Variants in GKAP1 observed in about 807,000 individuals in gnomAD.
GKAP1 encodes the protein G kinase anchoring protein 1.
A neutral mutation model predicts 56.7 loss-of-function variants in GKAP1; 31 were observed. That is an observed-to-expected ratio of 0.55 (90% CI 0.41 to 0.74). The LOEUF is 0.74. GKAP1 is among the 30% of genes least tolerant of loss of function. The probability of loss-of-function intolerance (pLI) is 0.00; values close to 1 mark genes in which losing one functional copy is unlikely to be tolerated. For missense variants in GKAP1, 364 were observed against 402.3 expected, an observed-to-expected ratio of 0.90 and a Z score of 0.82; for synonymous variants, 151 against 138.6, an observed-to-expected ratio of 1.09 and a Z score of -0.63.
At chr9:83,809,642 A>G (rs985895498) in intron 2 of GKAP1, among the ~76,000 whole-genome samples, 14 of 152,248 alleles carry the variant, frequency 9.2e-5, no homozygotes, top group African/African-American at 3.4e-4. Context: ...TATATTGATT[A>G]TATTTTTACC....
intron 2 of GKAP1, among the ~76,000 whole-genome samples, chr9:83,811,850 G>C (rs1186517474): frequency 6.6e-6 from 1 of 151,700 alleles, no homozygotes; most frequent in Non-Finnish European, 1.5e-5. Context: ...TGAAACAACT[G>C]GAAGAGTTCA....
chr9:83,779,474 CATAT>C (rs1564201501), intron 7 of GKAP1, among the ~76,000 whole-genome samples: 2 of 136,444 alleles, frequency 1.5e-5, no homozygotes, highest in African/African-American at 2.8e-5. Context: ...CGCACATATA[CATAT>C]ACATACATAT....
chr9:83,776,636 C>CA (rs1256756272), intron 7 of GKAP1, among the ~76,000 whole-genome samples: 2 of 152,158 alleles, frequency 1.3e-5, no homozygotes, highest in Admixed American at 1.3e-4. Flanking sequence ...GTGGAGGTTG[C>CA]ACCACTGCAT....
chr9:83,765,009 T>C (rs1943637964), intron 8 of GKAP1, among the ~76,000 whole-genome samples: 1 of 152,080 alleles, frequency 6.6e-6, no homozygotes, highest in Non-Finnish European at 1.5e-5. Context: ...GGGGAAAATG[T>C]CTCCAAGGCA....
chr9:83,805,209 G>A (rs1248686825), intron 3 of GKAP1, among the ~76,000 whole-genome samples: 1 of 152,156 alleles, frequency 6.6e-6, no homozygotes, highest in Non-Finnish European at 1.5e-5. Flanking sequence ...TGTCCACTCA[G>A]GGTTAAATGG....
In GKAP1 at chr9:83,742,881, G is replaced by T. The variant is rs1214903161; in HGVS notation, c.905-281C>A. The stretch of plus-strand genomic sequence containing the variant: ...GTGGTGTTAAAATATTTATTGCTGG[G>T]CATGGTGGCTCACACCTATAATCCC... On this transcript the variant is annotated intron_variant, in intron 10 of 12. Transcript: ENST00000376371. Among the ~76,000 whole-genome samples, 6 of 152,130 alleles carry T rather than the reference G, an allele frequency of 3.9e-5. No homozygotes were observed. In the South Asian group the frequency reaches 1.0e-3, roughly 26 times the overall value.
intron 2 of GKAP1, among the ~76,000 whole-genome samples, 200 bp downstream of exon 2, chr9:83,816,793 AGAG>A (rs1386068056): frequency 6.6e-6 from 1 of 152,218 alleles, no homozygotes; most frequent in Non-Finnish European, 1.5e-5. Context: ...AGAGTGAAAA[AGAG>A]GAGGAAGAGA....
At chr9:83,762,384 T>C (rs2131258183) in intron 8 of GKAP1, among the ~76,000 whole-genome samples, 1 of 152,156 alleles carries the variant, frequency 6.6e-6, no homozygotes, top group East Asian at 1.9e-4. Flanking sequence ...TATAAAACAC[T>C]GATGAACAAA....
chr9:83,771,147 C>T (rs1943753056), intron 7 of GKAP1, among the ~76,000 whole-genome samples: 1 of 152,142 alleles, frequency 6.6e-6, no homozygotes, highest in African/African-American at 2.4e-5. Flanking sequence ...CTACAACCCT[C>T]ACCCCTTTAG....
intron 4 of GKAP1, among the ~76,000 whole-genome samples, chr9:83,791,552 A>G (rs977253495): frequency 1.3e-5 from 2 of 152,366 alleles, no homozygotes; most frequent in African/African-American, 4.8e-5. Context: ...GTAGACAAAA[A>G]TGATTTAAAT....
At chr9:83,801,936 GA>G (rs1388864355) in intron 3 of GKAP1, among the ~76,000 whole-genome samples, 1 of 152,092 alleles carries the variant, frequency 6.6e-6, no homozygotes, top group Non-Finnish European at 1.5e-5. Flanking sequence ...AAATGTAATA[GA>G]AAAAATAAAC....
chr9:83,793,603 C>T (rs2131304990), intron 4 of GKAP1, among the ~76,000 whole-genome samples: 1 of 151,938 alleles, frequency 6.6e-6, no homozygotes, highest in South Asian at 2.1e-4. Context: ...CACCTCCAAG[C>T]AATAAAAATG....
intron 2 of GKAP1, among the ~76,000 whole-genome samples, chr9:83,809,283 C>T (rs295282): frequency 0.44 from 66,294 of 152,010 alleles, 15,065 homozygotes; most frequent in African/African-American, 0.55. Flanking sequence ...TTCCCTTAGG[C>T]CTTGGGGTAG....
intron 7 of GKAP1, among the ~76,000 whole-genome samples, chr9:83,774,106 A>G (rs1245907841): frequency 1.3e-5 from 2 of 151,868 alleles, no homozygotes; most frequent in Admixed American, 6.5e-5. Flanking sequence ...CCTGGCCTCA[A>G]GTGATCCACC....
At position 83,788,775 on chromosome 9, in the gene GKAP1, A is replaced by G. The variant is rs1587725785; in HGVS notation, c.361-97T>C. On this transcript the variant is annotated intron_variant, in intron 4 of 12. Transcript: ENST00000376371. ...ACTATATACAGAGGAAAAGAAAGCAAATATGTTAAAAAACAATATGGATTC... is the reference window on the plus strand; with the variant it reads ...ACTATATACAGAGGAAAAGAAAGCAGATATGTTAAAAAACAATATGGATTC... 16 of 650,958 alleles carry G rather than the reference A, an allele frequency of 2.5e-5. No homozygotes were observed. The East Asian group carries it at 4.5e-4, about 18-fold the overall frequency. The allele number at this position is 650,958 out of a possible 1,614,324, so 40.3% of individuals were successfully genotyped here.
chr9:83,755,728 C>T (rs1014581388), intron 8 of GKAP1, among the ~76,000 whole-genome samples: 5 of 112,330 alleles, frequency 4.5e-5, no homozygotes, highest in African/African-American at 1.4e-4. Context: ...ATATGACAGA[C>T]ATATGACCAA....
intron 8 of GKAP1, among the ~76,000 whole-genome samples, chr9:83,756,809 T>A (rs1194144882): frequency 1.3e-5 from 2 of 152,198 alleles, no homozygotes; most frequent in African/African-American, 4.8e-5. Context: ...CTCAAATACT[T>A]ATTTTTGCCA....
At chr9:83,796,551 T>G (rs1158883425) in intron 4 of GKAP1, among the ~76,000 whole-genome samples, 1 of 152,164 alleles carries the variant, frequency 6.6e-6, no homozygotes, top group South Asian at 2.1e-4. Context: ...GCTCACAACC[T>G]CTGCCTCCTG....
At chr9:83,761,887 G>T (rs1302695484) in intron 8 of GKAP1, among the ~76,000 whole-genome samples, 1 of 152,022 alleles carries the variant, frequency 6.6e-6, no homozygotes, top group South Asian at 2.1e-4. Context: ...AAAAAACTGG[G>T]TATAGAAGGA....
Sources: allele counts gnomAD v4.1 joint callset (sites outside exome capture counted in the v4.1 genomes callset), GRCh38; gene constraint gnomAD v4.1.1; transcripts MANE v1.5; gene names NCBI Gene and HGNC (gene_info 2026-07-23, HGNC 2026-07-21).